Variants in NSMCE2 observed in about 807,000 individuals in gnomAD.
NSMCE2 encodes the protein NSE2 SUMO ligase component of SMC5/6 complex.
Under a neutral mutation model 23.8 loss-of-function variants are expected in NSMCE2, and 24 were observed. The observed-to-expected ratio is 1.01, with a 90% confidence interval of 0.73 to 1.42. The LOEUF (loss-of-function observed/expected upper bound fraction) is 1.42. Ranked by LOEUF, NSMCE2 falls within the 40% of genes most tolerant of loss-of-function variation. The probability of loss-of-function intolerance (pLI) is 0.00; values close to 1 mark genes in which losing one functional copy is unlikely to be tolerated. For synonymous variants in NSMCE2, 92 were observed against 94.1 expected (o/e 0.98, Z 0.13); for missense variants, 284 against 296.5 (o/e 0.96, Z 0.31).
At position 125,306,050 on chromosome 8, in the gene NSMCE2, A is replaced by G. The variant is rs944483787; in HGVS notation, c.419-51169A>G. On this transcript the variant is annotated intron_variant, in intron 5 of 7. Coordinates refer to ENST00000287437, the MANE Select transcript of NSMCE2 (RefSeq NM_173685.4). Reference sequence around the variant, plus strand: ...GTATTGAATAAGTTTATACTTGGCCAGACGCAGTGGCTCATGCCTGTAATT... The same window carrying G: ...GTATTGAATAAGTTTATACTTGGCCGGACGCAGTGGCTCATGCCTGTAATT... 2.0e-5 allele frequency among the ~76,000 whole-genome samples: 3 copies of G among 152,238 alleles called. No individual in the cohort carries two copies. In the South Asian group the frequency reaches 6.2e-4, roughly 31 times the overall value.
chr8:125,215,992 C>T (rs1343599734), intron 5 of NSMCE2, among the ~76,000 whole-genome samples: 2 of 152,328 alleles, frequency 1.3e-5, no homozygotes, highest in South Asian at 4.1e-4. Context: ...GTCTTGGCTG[C>T]AGTGAGCCAT....
intron 5 of NSMCE2, among the ~76,000 whole-genome samples, chr8:125,245,592 C>T (rs1453034024): frequency 6.6e-6 from 1 of 150,770 alleles, no homozygotes; most frequent in Non-Finnish European, 1.5e-5. Context: ...CACAGCAATG[C>T]AAGGAAAAAT....
intron 5 of NSMCE2, among the ~76,000 whole-genome samples, chr8:125,295,576 G>A (rs193005249): frequency 1.3e-5 from 2 of 152,296 alleles, no homozygotes; most frequent in East Asian, 3.9e-4. Context: ...GCTTAGTACA[G>A]CTTTGGGAAG....
intron 1 of NSMCE2, among the ~76,000 whole-genome samples, chr8:125,099,797 A>G (rs1818098954): frequency 6.6e-6 from 1 of 152,140 alleles, no homozygotes; most frequent in Admixed American, 6.5e-5. Context: ...TCTACAGACG[A>G]GTTTTGCTCT....
chr8:125,357,894 A>G, intron 7 of NSMCE2, 76 bp downstream of exon 7: 1 of 961,864 alleles, frequency 1.0e-6, no homozygotes, highest in South Asian at 1.3e-5. Flanking sequence ...ACGCTAGAGG[A>G]AGAGGCACTT....
In NSMCE2 at chr8:125,266,921, T is replaced by TAA. The variant is rs1212951220; in HGVS notation, c.418+84666_418+84667insAA. Among the ~76,000 whole-genome samples the TAA allele has an allele frequency of 4.6e-5, 7 of 152,076 alleles. 1 individual carries two copies. In the East Asian group the frequency reaches 1.3e-3, roughly 29 times the overall value. On this transcript the variant is annotated intron_variant, in intron 5 of 7. Transcript: ENST00000287437. Reference sequence around the variant, plus strand: ...TGGGAATATCACAGGACAAAAACTTTATTTATAAATAAAGGTAATCTGAAC... The same window carrying TAA: ...TGGGAATATCACAGGACAAAAACTTTAAATTTATAAATAAAGGTAATCTGAAC...
At chr8:125,135,189 A>G (rs1227140766) in intron 3 of NSMCE2, among the ~76,000 whole-genome samples, 1 of 152,108 alleles carries the variant, frequency 6.6e-6, no homozygotes, top group Non-Finnish European at 1.5e-5. Flanking sequence ...AAGTGCCAGG[A>G]TTACAGTTGT....
At chr8:125,153,283 T>G (rs1821140062) in intron 4 of NSMCE2, among the ~76,000 whole-genome samples, 1 of 152,200 alleles carries the variant, frequency 6.6e-6, no homozygotes, top group Admixed American at 6.5e-5. Flanking sequence ...ACAACTTGGA[T>G]TTAGTGATTC....
rs1463582425 is a variant in NSMCE2, at chr8:125,324,839, G to T, written c.419-32380G>T. ...TCCGCCCGCCTCGGCCTCCCAAAGTGCTGGGATTACAGGCATGAGCCACCG... is the reference window on the plus strand; with the variant it reads ...TCCGCCCGCCTCGGCCTCCCAAAGTTCTGGGATTACAGGCATGAGCCACCG... On this transcript the variant is annotated intron_variant, in intron 5 of 7. Coordinates refer to ENST00000287437, the MANE Select transcript of NSMCE2 (RefSeq NM_173685.4). 1.1e-4 allele frequency among the ~76,000 whole-genome samples: 6 copies of T among 52,720 alleles called. 3 individuals carry two copies. The highest frequency in any genetic ancestry group is 0.025 in the Middle Eastern group (2 of 80). The allele number at this position is 52,720 out of a possible 152,430, so 34.6% of individuals were successfully genotyped here. A position where few individuals can be genotyped will look rare whatever the true frequency, so the allele number is the denominator to read the frequency against.
chr8:125,180,318 C>A (rs1448068955), intron 4 of NSMCE2, among the ~76,000 whole-genome samples: 1 of 152,180 alleles, frequency 6.6e-6, no homozygotes, highest in African/African-American at 2.4e-5. Context: ...TAAAGCCTCT[C>A]CATGTTTTCT....
chr8:125,356,938 C>G (rs547351151), intron 5 of NSMCE2, among the ~76,000 whole-genome samples: 1 of 152,196 alleles, frequency 6.6e-6, no homozygotes, highest in Non-Finnish European at 1.5e-5. Context: ...ATCACCAGGT[C>G]GGTTCTCTGA....
intron 5 of NSMCE2, among the ~76,000 whole-genome samples, chr8:125,339,696 CCTT>C (rs1830171211): frequency 6.6e-6 from 1 of 152,292 alleles, no homozygotes; most frequent in East Asian, 1.9e-4. Flanking sequence ...TCATCCTACT[CCTT>C]CTCCTTCAGG....
At chr8:125,352,022 A>G (rs569305518) in intron 5 of NSMCE2, among the ~76,000 whole-genome samples, 11 of 152,282 alleles carry the variant, frequency 7.2e-5, no homozygotes, top group African/African-American at 2.2e-4. Context: ...TCAAAAATAT[A>G]TATACATAGT....
chr8:125,098,408 C>T (rs1267897057), intron 1 of NSMCE2, among the ~76,000 whole-genome samples: 5 of 152,084 alleles, frequency 3.3e-5, no homozygotes, highest in South Asian at 2.1e-4. Context: ...CCATTACTCC[C>T]GGTGAGTCAG....
intron 3 of NSMCE2, among the ~76,000 whole-genome samples, chr8:125,148,217 C>T (rs1293748562): frequency 6.6e-6 from 1 of 152,182 alleles, no homozygotes; most frequent in African/African-American, 2.4e-5. Flanking sequence ...GCCAGTTAGG[C>T]TCCAGAGATT....
chr8:125,274,995 AGATGAT>A (rs985947517), intron 5 of NSMCE2, among the ~76,000 whole-genome samples: 1 of 53,450 alleles, frequency 1.9e-5, no homozygotes, highest in Admixed American at 2.4e-4. Flanking sequence ...GACAATCTGA[AGATGAT>A]AATAATAATA....
intron 5 of NSMCE2, among the ~76,000 whole-genome samples, chr8:125,272,479 G>A (rs1047443680): frequency 1.3e-5 from 2 of 150,250 alleles, no homozygotes; most frequent in African/African-American, 4.9e-5. Context: ...TGACTAACCC[G>A]GCACATGGGG....
At chr8:125,294,368 A>G (rs1470143819) in intron 5 of NSMCE2, among the ~76,000 whole-genome samples, 1 of 138,670 alleles carries the variant, frequency 7.2e-6, no homozygotes, top group African/African-American at 2.9e-5. Context: ...TATCCTTTTT[A>G]GGAACTGCCA....
chr8:125,123,790 A>G (rs1405850321), intron 3 of NSMCE2, among the ~76,000 whole-genome samples: 2 of 152,226 alleles, frequency 1.3e-5, no homozygotes, highest in Non-Finnish European at 2.9e-5. Flanking sequence ...ATCACCTTAA[A>G]TTCTTCTTAA....
Sources: gnomAD v4.1 joint callset for allele counts (sites outside exome capture counted in the v4.1 genomes callset) on GRCh38, gnomAD v4.1.1 for gene constraint, MANE v1.5 for transcripts, NCBI Gene and HGNC (gene_info 2026-07-23, HGNC 2026-07-21) for gene names.